Variants in DGKZ observed in about 807,000 individuals in gnomAD.
The protein encoded by DGKZ is DAG kinase zeta.
In DGKZ, 45 loss-of-function variants were observed where a neutral mutation model predicts 142.5. That is an observed-to-expected ratio of 0.32 (90% CI 0.25 to 0.40). DGKZ has a LOEUF of 0.40. Ranked by LOEUF, DGKZ falls within the 10% of genes least tolerant of loss-of-function variation. The pLI, the probability that DGKZ is intolerant of heterozygous loss-of-function variation, is 1.00. For synonymous variants in DGKZ, 442 were observed against 527.0 expected (o/e 0.84, Z 2.21); for missense variants, 755 against 1,306.5 (o/e 0.58, Z 6.51).
In DGKZ at chr11:46,369,877, C is replaced by T. The variant is rs931716229; in HGVS notation, c.502-64C>T. On this transcript the variant is annotated intron_variant, in intron 5 of 30. Coordinates refer to ENST00000527911, the Ensembl canonical transcript of DGKZ. ...AGCCCCGTGTGTTGAGCCGTGTGGG[C>T]AGTCCTCAGGACTGTGCCCCTGCCC... 2.7e-5 allele frequency: 42 copies of T among 1,562,234 alleles called. No individual in the cohort carries two copies. The South Asian group carries it at 4.2e-4, about 16-fold the overall frequency.
intron 1 of DGKZ, among the ~76,000 whole-genome samples, chr11:46,358,160 G>C (rs1268903828): frequency 2.0e-5 from 3 of 152,142 alleles, no homozygotes; most frequent in Non-Finnish European, 4.4e-5. Context: ...AAAAGCAGTG[G>C]TGGGTAAAAC....
Position 46,372,887 on chromosome 11 carries a change from A to G in DGKZ, c.1185+3A>G, listed in dbSNP as rs1286958190. The G allele has an allele frequency of 6.3e-7, 1 of 1,575,990 alleles. No homozygotes were observed. The highest frequency in any genetic ancestry group is 1.2e-5 in the South Asian group (1 of 86,396). ...CCCGAACCCTCAACTGGGGTGGGGTAAGCACCCATAGGAGGGGGGTGCAGC... is the reference window on the plus strand; with the variant it reads ...CCCGAACCCTCAACTGGGGTGGGGTGAGCACCCATAGGAGGGGGGTGCAGC... On this transcript the variant is annotated splice_donor_region_variant and intron_variant, in intron 13 of 30. Transcript: ENST00000527911. The surrounding 1 kb of genome is among the most constrained non-coding windows in gnomAD (Gnocchi z 5.9).
chr11:46,350,300 T>G (rs1266594807), intron 1 of DGKZ, among the ~76,000 whole-genome samples: 2 of 152,072 alleles, frequency 1.3e-5, no homozygotes, highest in African/African-American at 4.8e-5. Context: ...AAGGGTGGAA[T>G]AGTACACCTG....
At chr11:46,371,585 C>G (rs1356201128) in exon 8 of DGKZ, 1 of 1,610,522 alleles carries the variant, frequency 6.2e-7, no homozygotes, top group East Asian at 2.2e-5. Flanking sequence ...CCTGGATCCT[C>G]CGCGCCCGGA....
At chr11:46,379,653 G>A (rs1590661880) in intron 30 of DGKZ, 85 bp downstream of exon 30, 2 of 1,368,902 alleles carry the variant, frequency 1.5e-6, no homozygotes, top group East Asian at 2.5e-5. Flanking sequence ...GCTGGGGGCT[G>A]TCCCTGGGAA....
intron 1 of DGKZ, among the ~76,000 whole-genome samples, chr11:46,348,148 G>GC (rs1940902247): frequency 6.6e-6 from 1 of 152,146 alleles, no homozygotes; most frequent in Admixed American, 6.5e-5. Context: ...AATCACCCCA[G>GC]CCCCCGGCAC....
chr11:46,379,195 T>C lies in DGKZ; in HGVS notation c.2540-8T>C, dbSNP rs752618689. On this transcript the variant is annotated splice_polypyrimidine_tract_variant and splice_region_variant and intron_variant, in intron 28 of 30. Coordinates refer to ENST00000527911, the Ensembl canonical transcript of DGKZ. ...AGGCCTCTCTGACCACCACCTCCCC[T>C]TCTCCAGCCCCCCCAGAGATCCTTG... The C allele has an allele frequency of 2.5e-6, 4 of 1,612,846 alleles. No homozygotes were observed. The highest frequency in any genetic ancestry group is 3.4e-6 in the Non-Finnish European group (4 of 1,179,942).
chr11:46,341,164 C>T (rs1462755878), intron 1 of DGKZ, among the ~76,000 whole-genome samples: 1 of 152,160 alleles, frequency 6.6e-6, no homozygotes. Context: ...CTCCATGTCT[C>T]ACCATGGCCA....
Position 46,371,299 on chromosome 11 carries a change from C to A in DGKZ, c.571-14C>A. On this transcript the variant is annotated splice_polypyrimidine_tract_variant and intron_variant, in intron 6 of 30. Transcript: ENST00000527911. ...ACGCCTGCCCTGGTTCCCATCCATC[C>A]TGTCTACCCTCAGGGATTCCAGCAG... 6.2e-7 allele frequency: 1 copy of A among 1,613,042 alleles called. No individual in the cohort carries two copies. Among genetic ancestry groups the A allele is most frequent in the Middle Eastern group, 1.7e-4 (1 of 6,052 alleles).
At position 46,347,692 on chromosome 11, in the gene DGKZ, G is replaced by A. The variant is rs1940815203; in HGVS notation, c.33G>A (p.Arg11=). 1 of 1,455,782 alleles carries A rather than the reference G, an allele frequency of 6.9e-7. No homozygotes were observed. 90.2% of individuals were successfully genotyped at this position (1,455,782 alleles called of 1,614,324 possible). A position where few individuals can be genotyped will look rare whatever the true frequency, so the allele number is the denominator to read the frequency against. The change falls in exon 1 of 31, where the codon CGG becomes CGA. Residue 11 remains arginine (R), a synonymous_variant. Transcript: ENST00000527911. The surrounding 1 kb of genome is among the most constrained non-coding windows in gnomAD (Gnocchi z 6.4). ...CGCGGGACGGTAGCCCCGAGGCCCG[G>A]AGCAGCGACTCCGAGTCGGCTTCCG...
intron 1 of DGKZ, among the ~76,000 whole-genome samples, chr11:46,354,757 A>G (rs781736781): frequency 1.3e-5 from 2 of 152,218 alleles, no homozygotes; most frequent in African/African-American, 2.4e-5. Flanking sequence ...CTAGCAACAT[A>G]CAGTGCTGTT....
chr11:46,368,104 C>T lies in DGKZ; in HGVS notation c.444+25C>T, dbSNP rs764355488. On this transcript the variant is annotated intron_variant, in intron 4 of 30. Transcript: ENST00000527911. ...GGTGGGTGGGTAGCTCAGCTTTGCC[C>T]GCCCCTGCCCTTTGGGTGCTGAGGC... is the stretch of plus-strand genomic sequence containing the variant. 6.8e-6 allele frequency: 11 copies of T among 1,612,794 alleles called. No homozygotes were observed. The South Asian group carries it at 8.8e-5, about 13-fold the overall frequency.
intron 1 of DGKZ, chr11:46,366,899 A>C: frequency 6.5e-7 from 1 of 1,547,920 alleles, no homozygotes; most frequent in Non-Finnish European, 8.7e-7. Context: ...CATGCTGCCC[A>C]CCCGTGTGCG....
At position 46,375,063 on chromosome 11, in the gene DGKZ, C is replaced by T. The variant is rs778504194; in HGVS notation, c.1710+18C>T. ...CGTCGTTGGTGAGTGGGCCCTGGGC[C>T]CATGGTGCCTGGGAGCACAGCCCAA... On this transcript the variant is annotated intron_variant, in intron 19 of 30. Transcript: ENST00000527911. 3.2e-6 allele frequency: 5 copies of T among 1,570,708 alleles called. No homozygotes were observed. Among genetic ancestry groups the T allele is most frequent in the Non-Finnish European group, 4.3e-6 (5 of 1,164,888 alleles).
At chr11:46,379,145 C>G in intron 28 of DGKZ, 34 bp downstream of exon 28, 1 of 1,611,482 alleles carries the variant, frequency 6.2e-7, no homozygotes, top group Non-Finnish European at 8.5e-7. Flanking sequence ...GGCCTGGGGC[C>G]AAGGTGGGAG....
rs1943765244 is a variant in DGKZ at position 46,369,962 on chromosome 11, TG to T, written c.526del (p.Val176TyrfsTer81). On this transcript the variant is annotated frameshift_variant, in exon 6 of 31. Coordinates refer to ENST00000527911, the Ensembl canonical transcript of DGKZ. LOFTEE classifies it high-confidence loss of function. The stretch of plus-strand genomic sequence containing the variant: ...CCAGCCAACCTTTGTACGGCACCAC[TG>T]GGTACACAGACGACGCCAGGACGGC... 2 of 1,613,608 alleles carry T rather than the reference TG, an allele frequency of 1.2e-6. No individual in the cohort carries two copies. The highest frequency in any genetic ancestry group is 1.7e-6 in the Non-Finnish European group (2 of 1,179,968).
At chr11:46,363,958 G>A (rs1268734763) in intron 1 of DGKZ, among the ~76,000 whole-genome samples, 2 of 152,220 alleles carry the variant, frequency 1.3e-5, no homozygotes, top group Non-Finnish European at 2.9e-5. Context: ...TGGCCCTCTT[G>A]AAGCCTCAGT....
chr11:46,369,457 G>A (rs778761376), intron 4 of DGKZ, 37 bp from the exon 5 acceptor site: 2 of 1,613,698 alleles, frequency 1.2e-6, no homozygotes, highest in South Asian at 1.1e-5. Context: ...CCGAAGGGAG[G>A]TTCTGACATT....
upstream of DGKZ, chr11:46,345,720 A>G: frequency 1.1e-6 from 1 of 897,364 alleles, no homozygotes; most frequent in Non-Finnish European, 1.6e-6. The surrounding 1 kb of genome is among the most constrained non-coding windows in gnomAD (Gnocchi z 4.1). Context: ...GAGTAGGGCA[A>G]AGGAGTTATT....
Sources: gnomAD v4.1 joint callset for allele counts (sites outside exome capture counted in the v4.1 genomes callset) on GRCh38, gnomAD v4.1.1 for gene constraint, Gnocchi (gnomAD v3.1) non-coding constraint, MANE v1.5 for transcripts, NCBI Gene and HGNC (gene_info 2026-07-23, HGNC 2026-07-21) for gene names.